The following PPP1R16A variants were observed in gnomAD, a reference collection of about 807,000 sequenced individuals.
PPP1R16A encodes myosin phosphatase-targeting subunit 3.
Under a neutral mutation model 46.6 loss-of-function variants are expected in PPP1R16A, and 39 were observed. The observed-to-expected ratio is 0.84, with a 90% CI of 0.65 to 1.09. PPP1R16A has a LOEUF of 1.09. PPP1R16A is among the 50% of genes least tolerant of loss of function. The pLI, the probability that PPP1R16A is intolerant of heterozygous loss-of-function variation, is 0.00. For missense variants in PPP1R16A, 798 were observed against 735.6 expected (o/e 1.08, Z -0.98); for synonymous variants, 413 against 321.5 (o/e 1.28, Z -3.04).
chr8:144,495,063 A>G (rs1825992322), intron 2 of PPP1R16A, among the ~76,000 whole-genome samples: 1 of 152,202 alleles, frequency 6.6e-6, no homozygotes, highest in Non-Finnish European at 1.5e-5. Context: ...AGGGAGAGTT[A>G]CTGCCTGGAA....
At chr8:144,484,580 G>T (rs1055843401) in intron 1 of PPP1R16A, among the ~76,000 whole-genome samples, 1 of 152,224 alleles carries the variant, frequency 6.6e-6, no homozygotes, top group Non-Finnish European at 1.5e-5. Flanking sequence ...CTGGGCCTTT[G>T]ACACCTTGCT....
chr8:144,500,808 G>A, intron 9 of PPP1R16A, 34 bp from the exon 10 acceptor site: 1 of 1,600,286 alleles, frequency 6.2e-7, no homozygotes, highest in Non-Finnish European at 8.5e-7. Context: ...GACAGGCGGG[G>A]AGGGCGCCCC....
intron 1 of PPP1R16A, chr8:144,478,654 G>A (rs1825272970): frequency 6.6e-6 from 1 of 152,494 alleles, no homozygotes; most frequent in South Asian, 2.1e-4. Context: ...TTGGAGCTAG[G>A]CTGAAGGAGA....
In PPP1R16A at chr8:144,501,664, G is replaced by A. The variant is rs150902628; in HGVS notation, c.1348G>A (p.Asp450Asn). Residue 450 changes from aspartate (D) to asparagine (N), a missense_variant, in exon 12 of 12, where the codon GAC becomes AAC. By Grantham distance (23) the Asp-to-Asn change is conservative. Coordinates refer to ENST00000435887, the MANE Select transcript of PPP1R16A (RefSeq NM_001329443.2). ...DSTTPHTLVH[D>N]KAHHTLADLK... is the part of the protein sequence containing the mutation. ...CACCACCCCCCACACCCTGGTCCAC[G>A]ACAAGGCCCACCACACCCTGGCTGA... 9.3e-6 allele frequency: 15 copies of A among 1,610,036 alleles called. No homozygotes were observed. Among genetic ancestry groups the A allele is most frequent in the Admixed American group, 1.7e-5 (1 of 59,756 alleles).
At chr8:144,498,657 C>A in intron 3 of PPP1R16A, 113 bp from the exon 4 acceptor site, 2 of 1,067,978 alleles carry the variant, frequency 1.9e-6, no homozygotes, top group East Asian at 2.6e-5. Context: ...GGTGTGCCTC[C>A]TGCCATCGGC....
In PPP1R16A at chr8:144,499,390, C is replaced by T. The variant is rs1378805470; in HGVS notation, c.476+329C>T. On this transcript the variant is annotated intron_variant, in intron 5 of 11. Transcript: ENST00000435887. ...AAGGAGGGAAGCAGAGTGAGGAGGC[C>T]AGGTGGCTTGGGAGGAGAGGGTACC... 4 of 351,258 alleles carry T rather than the reference C, an allele frequency of 1.1e-5. No homozygotes were observed. The South Asian group carries it at 1.9e-4, about 17-fold the overall frequency. The allele number at this position is 351,258 out of a possible 1,614,324, so 21.8% of individuals were successfully genotyped here. A position where few individuals can be genotyped will look rare whatever the true frequency, so the allele number is the denominator to read the frequency against.
At chr8:144,487,013 G>T (rs1254872592) in intron 1 of PPP1R16A, among the ~76,000 whole-genome samples, 1 of 151,898 alleles carries the variant, frequency 6.6e-6, no homozygotes, top group African/African-American at 2.4e-5. Context: ...TTTGTTTTTT[G>T]ATTATTTTCT....
rs754565749 is a variant in PPP1R16A at position 144,497,562 on chromosome 8, C to T, written c.259+109C>T. On this transcript the variant is annotated intron_variant, in intron 3 of 11. Coordinates refer to ENST00000435887, the MANE Select transcript of PPP1R16A (RefSeq NM_001329443.2). ...GCTGGGCCTGTCCACAGCTCCTGGG[C>T]TCCAGCCCCCAGATCTTGCCTGGTC... 10 of 1,478,446 alleles carry T rather than the reference C, an allele frequency of 6.8e-6. No individual in the cohort carries two copies. The South Asian group carries it at 8.1e-5, about 12-fold the overall frequency. The allele number at this position is 1,478,446 out of a possible 1,614,324, so 91.6% of individuals were successfully genotyped here.
At chr8:144,478,266 G>A (rs894504395) in intron 1 of PPP1R16A, 139 bp downstream of exon 1, 2 of 386,108 alleles carry the variant, frequency 5.2e-6, no homozygotes, top group African/African-American at 4.2e-5. Flanking sequence ...GGAAGGATGA[G>A]GCAGAGGAGA....
Position 144,501,823 on chromosome 8 carries a change from G to A in PPP1R16A, c.1507G>A (p.Gly503Arg), listed in dbSNP as rs759928158. The A allele has an allele frequency of 8.4e-6, 13 of 1,551,916 alleles. No individual in the cohort carries two copies. The highest frequency in any genetic ancestry group is 1.2e-5 in the South Asian group (1 of 84,442). Residue 503 changes from glycine to arginine, a missense_variant, in exon 12 of 12, where the codon GGG becomes AGG. By Grantham distance (125) the Gly-to-Arg change is moderately radical. Transcript: ENST00000435887. ...GCCTGACTGTGGCTTCAGGGCAGGCGGGGACCCACCCCTGCTCAAGCTCAC... is the reference window on the plus strand; with the variant it reads ...GCCTGACTGTGGCTTCAGGGCAGGCAGGGACCCACCCCTGCTCAAGCTCAC... ...PQPDCGFRAG[G>R]DPPLLKLTAP...
chr8:144,489,505 T>A (rs186754848), intron 1 of PPP1R16A, among the ~76,000 whole-genome samples: 4 of 152,168 alleles, frequency 2.6e-5, no homozygotes, highest in African/African-American at 9.6e-5. Flanking sequence ...CCACTTCCCC[T>A]AAACTGCTGC....
At chr8:144,499,784 G>A (rs542691329) in intron 5 of PPP1R16A, 20 of 344,750 alleles carry the variant, frequency 5.8e-5, no homozygotes, top group South Asian at 5.8e-4. Context: ...CTGCACCCCC[G>A]CCACCCTGTG....
Position 144,501,144 on chromosome 8 carries a change from G to A in PPP1R16A, c.1053G>A (p.Arg351=), listed in dbSNP as rs372762824. The A allele has an allele frequency of 1.2e-5, 19 of 1,610,872 alleles. No homozygotes were observed. The Admixed American group carries it at 3.2e-4, about 27-fold the overall frequency. The stretch of plus-strand genomic sequence containing the variant: ...TCCTCCCCAGGAAGGTGGTGAGGCG[G>A]GTGAGCCTAACCCAGCGCACCGACC... ...SAGSRGKVVR[R]VSLTQRTDLY... is the part of the protein sequence containing the mutation. The change falls in exon 11 of 12, where the codon CGG becomes CGA. Residue 351 remains arginine (R), a synonymous_variant. Coordinates refer to ENST00000435887, the MANE Select transcript of PPP1R16A (RefSeq NM_001329443.2).
Position 144,500,552 on chromosome 8 carries a change from C to A in PPP1R16A, c.771C>A (p.Ser257Arg), listed in dbSNP as rs1243147922. The A allele has an allele frequency of 6.3e-7, 1 of 1,597,204 alleles. No homozygotes were observed. Among genetic ancestry groups the A allele is most frequent in the Admixed American group, 1.7e-5 (1 of 59,820 alleles). The change falls in exon 8 of 12, where the codon AGC (serine) becomes AGA (arginine). Residue 257 changes from serine (S) to arginine (R), a missense_variant. Ser to Arg is a moderately radical substitution (Grantham distance 110). Coordinates refer to ENST00000435887, the MANE Select transcript of PPP1R16A (RefSeq NM_001329443.2). ...CCCTGCTGCTGGAACACCGAGCCAGCCTGAGCGCTAAGGACCAAGACGGCT... is the reference window on the plus strand; with the variant it reads ...CCCTGCTGCTGGAACACCGAGCCAGACTGAGCGCTAAGGACCAAGACGGCT... ...AAALLLEHRA[S>R]LSAKDQDGWE...
intron 2 of PPP1R16A, among the ~76,000 whole-genome samples, chr8:144,494,366 T>C (rs567702776): frequency 1.6e-4 from 25 of 151,974 alleles, no homozygotes; most frequent in African/African-American, 5.8e-4. Context: ...CAGGCTGGAG[T>C]GCAGGGTGTG....
In PPP1R16A at chr8:144,493,937, G is replaced by C. The variant is rs1431122362; in HGVS notation, c.-734-2524G>C. Among the ~76,000 whole-genome samples, 3 of 152,110 alleles carry C rather than the reference G, an allele frequency of 2.0e-5. No homozygotes were observed. Among genetic ancestry groups the C allele is most frequent in the Non-Finnish European group, 4.4e-5 (3 of 67,972 alleles). ...GCCCGTGGGCCTCCCTCTGCAGCCA[G>C]GGGGACTGGGGGGGTTCCCACTGTC... On this transcript the variant is annotated intron_variant, in intron 2 of 11. Coordinates refer to ENST00000435887, the MANE Select transcript of PPP1R16A (RefSeq NM_001329443.2). This position sits in a 1 kb window ranked among gnomAD's most constrained non-coding sequence, Gnocchi z 4.3.
In PPP1R16A at chr8:144,501,679, A is replaced by C. The variant is rs1413512431; in HGVS notation, c.1363A>C (p.Thr455Pro). The C allele has an allele frequency of 1.2e-6, 2 of 1,606,468 alleles. No individual in the cohort carries two copies. Among genetic ancestry groups the C allele is most frequent in the Non-Finnish European group, 1.7e-6 (2 of 1,177,482 alleles). ...HTLVHDKAHHTLADLKRQRAA... is the reference protein window; with the variant it reads ...HTLVHDKAHHPLADLKRQRAA... ...CCTGGTCCACGACAAGGCCCACCAC[A>C]CCCTGGCTGACCTGAAGCGCCAGCG... Residue 455 changes from threonine (T) to proline (P), a missense_variant, in exon 12 of 12, where the codon ACC becomes CCC. By Grantham distance (38) the Thr-to-Pro change is conservative. Coordinates refer to ENST00000435887, the MANE Select transcript of PPP1R16A (RefSeq NM_001329443.2).
intron 1 of PPP1R16A, chr8:144,478,437 G>A (rs1221369469): frequency 3.5e-6 from 1 of 285,216 alleles, no homozygotes; most frequent in African/African-American, 2.2e-5. Context: ...GCTGGCTGAG[G>A]CCCAGGGCAG....
In PPP1R16A at chr8:144,496,862, G is replaced by C. The variant is rs970213461; in HGVS notation, c.-333G>C. On this transcript the variant is annotated 5_prime_UTR_variant, in exon 3 of 12. Coordinates refer to ENST00000435887, the MANE Select transcript of PPP1R16A (RefSeq NM_001329443.2). ...TAGTTTCAGACCCTGCACTGAGGCC[G>C]GCCAGGTCTCGGGGCTGCCTCCCAT... 4.4e-6 allele frequency: 2 copies of C among 452,732 alleles called. No individual in the cohort carries two copies. The highest frequency in any genetic ancestry group is 2.0e-5 in the African/African-American group (1 of 50,894). The allele number at this position is 452,732 out of a possible 1,614,324, so 28.0% of individuals were successfully genotyped here. A position where few individuals can be genotyped will look rare whatever the true frequency, so the allele number is the denominator to read the frequency against.
Sources: gnomAD v4.1 joint callset for allele counts (sites outside exome capture counted in the v4.1 genomes callset) on GRCh38, gnomAD v4.1.1 for gene constraint, Gnocchi (gnomAD v3.1) non-coding constraint, MANE v1.5 for transcripts, NCBI Gene and HGNC (gene_info 2026-07-23, HGNC 2026-07-21) for gene names.